Variants in ZDHHC13 observed in about 807,000 individuals in gnomAD.
The protein encoded by ZDHHC13 is zDHHC palmitoyltransferase 13.
A neutral mutation model predicts 86.0 loss-of-function variants in ZDHHC13; 85 were observed. The ratio of observed to expected loss-of-function variants is 0.99; its 90% confidence interval spans 0.83 to 1.18. ZDHHC13 has a LOEUF of 1.18. Ranked by LOEUF, ZDHHC13 falls within the 50% of genes most tolerant of loss-of-function variation. The pLI, the probability that ZDHHC13 is intolerant of heterozygous loss-of-function variation, is 0.00. For synonymous variants in ZDHHC13, 263 were observed against 246.4 expected (o/e 1.07, Z -0.63); for missense variants, 711 against 730.2 (o/e 0.97, Z 0.30).
intron 14 of ZDHHC13, chr11:19,169,583 ACAG>A (rs2133478327): frequency 1.0e-6 from 1 of 985,480 alleles, no homozygotes; most frequent in South Asian, 4.7e-5. Flanking sequence ...GTGCAAATCG[ACAG>A]AATTATCTTT....
intron 1 of ZDHHC13, among the ~76,000 whole-genome samples, chr11:19,121,240 TCAGGTGGTC>T (rs1296473375): frequency 6.6e-6 from 1 of 152,194 alleles, no homozygotes; most frequent in African/African-American, 2.4e-5. Context: ...TCATTGCTAG[TCAGGTGGTC>T]CAGTCATGAT....
chr11:19,147,542 C>T lies in ZDHHC13; in HGVS notation c.297-54C>T. 3.5e-6 allele frequency: 5 copies of T among 1,448,034 alleles called. No individual in the cohort carries two copies. In the South Asian group the frequency reaches 5.1e-5, roughly 15 times the overall value. The allele number at this position is 1,448,034 out of a possible 1,614,324, so 89.7% of individuals were successfully genotyped here. ...ATGAAAAAATTAGTATTTTCTTTCT[C>T]AATATGAAGCTTAAGTTTCAAATCT... On this transcript the variant is annotated intron_variant, in intron 3 of 16. Transcript: ENST00000446113.
At chr11:19,162,784 G>A (rs766156975) in intron 10 of ZDHHC13, among the ~76,000 whole-genome samples, 2 of 152,114 alleles carry the variant, frequency 1.3e-5, no homozygotes, top group Admixed American at 6.5e-5. Context: ...ATTTTGAGTC[G>A]TGTGTCGATC....
intron 5 of ZDHHC13, among the ~76,000 whole-genome samples, chr11:19,149,873 G>A (rs1849563856): frequency 6.6e-6 from 1 of 152,216 alleles, no homozygotes; most frequent in Non-Finnish European, 1.5e-5. Flanking sequence ...AGTAGTTTAT[G>A]TATTAGCAGA....
intron 16 of ZDHHC13, among the ~76,000 whole-genome samples, chr11:19,175,338 C>A (rs1196434197): frequency 7.4e-6 from 1 of 135,118 alleles, no homozygotes; most frequent in Admixed American, 8.5e-5. Context: ...TGCAGTGAGC[C>A]GAGATCACGC....
At chr11:19,130,663 T>G (rs1354543278) in intron 1 of ZDHHC13, among the ~76,000 whole-genome samples, 1 of 152,174 alleles carries the variant, frequency 6.6e-6, no homozygotes, top group Non-Finnish European at 1.5e-5. Flanking sequence ...GGCCCCCTTT[T>G]TTTGGTAATA....
intron 16 of ZDHHC13, among the ~76,000 whole-genome samples, 171 bp from the exon 17 acceptor site, chr11:19,175,651 G>T (rs1850343707): frequency 6.6e-6 from 1 of 152,042 alleles, no homozygotes; most frequent in African/African-American, 2.4e-5. Context: ...CCAGAAATAG[G>T]CTTCAGTTTT....
At chr11:19,124,094 G>T (rs985954434) in intron 1 of ZDHHC13, among the ~76,000 whole-genome samples, 2 of 151,938 alleles carry the variant, frequency 1.3e-5, no homozygotes, top group African/African-American at 4.8e-5. Flanking sequence ...GATATGAAAG[G>T]CTGAAATCAA....
intron 14 of ZDHHC13, chr11:19,169,917 C>T: frequency 1.1e-5 from 11 of 987,692 alleles, no homozygotes; most frequent in Non-Finnish European, 1.3e-5. Context: ...AGAAGTATAC[C>T]CATGCCCAGC....
rs756643448 is a variant in ZDHHC13, at chr11:19,165,084, T to C, written c.1329T>C (p.His443=). 6.2e-6 allele frequency: 10 copies of C among 1,613,006 alleles called. No homozygotes were observed. In the East Asian group the frequency reaches 6.7e-5, roughly 11 times the overall value. Residue 443 remains histidine (H), a synonymous_variant, in exon 13 of 17, where the codon CAT becomes CAC. Transcript: ENST00000446113. ...IRKPLRSLHC[H]VCNCCVARYD... ...AGCCATTAAGGTCACTCCACTGCCATGTATGCAACTGCTGTGTGGCTCGAT... is the reference window on the plus strand; with the variant it reads ...AGCCATTAAGGTCACTCCACTGCCACGTATGCAACTGCTGTGTGGCTCGAT...
rs7113514 is a variant in ZDHHC13 at position 19,146,822 on chromosome 11, G to A, written c.296+519G>A. ...AGCTTAACATGTAAAATGTACATGT[G>A]TATGTGAATGTGTATATATTTTGTG... On this transcript the variant is annotated intron_variant, in intron 3 of 16. Transcript: ENST00000446113. Among the ~76,000 whole-genome samples, 1,042 of 152,176 alleles carry A rather than the reference G, an allele frequency of 6.8e-3. 9 individuals are homozygous for A. Among genetic ancestry groups the A allele is most frequent in the African/African-American group, 0.024 (984 of 41,536 alleles).
chr11:19,147,778 C>CCA (rs1250086792), intron 4 of ZDHHC13, 105 bp downstream of exon 4: 8 of 766,242 alleles, frequency 1.0e-5, no homozygotes, highest in Middle Eastern at 5.0e-4. Flanking sequence ...TTCTTCCCCC[C>CCA]CCCCCTTTAT....
intron 3 of ZDHHC13, among the ~76,000 whole-genome samples, 168 bp from the exon 4 acceptor site, chr11:19,147,428 T>G (rs1849494637): frequency 6.6e-6 from 1 of 152,190 alleles, no homozygotes; most frequent in African/African-American, 2.4e-5. Context: ...TTTGTCTGAT[T>G]CTGCCATGTG....
At chr11:19,164,524 A>G in intron 12 of ZDHHC13, 161 bp downstream of exon 12, 1 of 652,378 alleles carries the variant, frequency 1.5e-6, no homozygotes, top group Non-Finnish European at 2.6e-6. Context: ...TCTTGAACAT[A>G]TGGCAGAATG....
chr11:19,137,512 A>G (rs1415390983), intron 1 of ZDHHC13, among the ~76,000 whole-genome samples: 7 of 151,594 alleles, frequency 4.6e-5, no homozygotes, highest in Non-Finnish European at 8.9e-5. Flanking sequence ...GATCAACGAG[A>G]CAGAAAGTCA....
At chr11:19,134,441 A>G (rs2133379781) in intron 1 of ZDHHC13, among the ~76,000 whole-genome samples, 1 of 152,342 alleles carries the variant, frequency 6.6e-6, no homozygotes, top group East Asian at 1.9e-4. Context: ...ACAATAGCAA[A>G]GACTTGGAAC....
rs998907217 is a variant in ZDHHC13 at position 19,147,528 on chromosome 11, A to G, written c.297-68A>G. On this transcript the variant is annotated intron_variant, in intron 3 of 16. Transcript: ENST00000446113. ...ACATATTTATTACTATGAAAAAATT[A>G]GTATTTTCTTTCTCAATATGAAGCT... The G allele has an allele frequency of 9.0e-6, 12 of 1,329,636 alleles. No individual in the cohort carries two copies. In the East Asian group the frequency reaches 2.8e-4, roughly 31 times the overall value. The allele number at this position is 1,329,636 out of a possible 1,614,324, so 82.4% of individuals were successfully genotyped here.
intron 15 of ZDHHC13, among the ~76,000 whole-genome samples, chr11:19,171,108 G>A (rs1418314082): frequency 6.6e-6 from 1 of 152,146 alleles, no homozygotes; most frequent in African/African-American, 2.4e-5. Context: ...GGATGAGAGT[G>A]GTAAGAAATG....
intron 10 of ZDHHC13, among the ~76,000 whole-genome samples, chr11:19,160,148 T>C (rs1849871312): frequency 6.6e-6 from 1 of 152,026 alleles, no homozygotes; most frequent in African/African-American, 2.4e-5. Context: ...TCAAAGTACA[T>C]ATGTCCACAT....
Sources: gnomAD v4.1 joint callset for allele counts (sites outside exome capture counted in the v4.1 genomes callset) on GRCh38, gnomAD v4.1.1 for gene constraint, MANE v1.5 for transcripts, NCBI Gene and HGNC (gene_info 2026-07-23, HGNC 2026-07-21) for gene names.